GPC5: variants seen among roughly 807,000 people sequenced by gnomAD.
GPC5 encodes the protein glypican-5.
In GPC5, 47 loss-of-function variants were observed where a neutral mutation model predicts 53.9. That is an observed-to-expected ratio of 0.87 (90% CI 0.69 to 1.11). The LOEUF (loss-of-function observed/expected upper bound fraction) is 1.11. Ranked by LOEUF, GPC5 falls within the 50% of genes most tolerant of loss-of-function variation. GPC5 has a pLI of 0.00. For synonymous variants in GPC5, 286 were observed against 263.3 expected, an observed-to-expected ratio of 1.09 and a Z score of -0.84; for missense variants, 748 against 713.1, an observed-to-expected ratio of 1.05 and a Z score of -0.56.
chr13:92,223,819 T>C (rs968563869), intron 7 of GPC5, among the ~76,000 whole-genome samples: 5 of 152,156 alleles, frequency 3.3e-5, no homozygotes, highest in Non-Finnish European at 7.4e-5. Flanking sequence ...AATAAAACCT[T>C]CTTAAGTCAA....
At chr13:91,750,550 T>C (rs1041115858) in intron 4 of GPC5, among the ~76,000 whole-genome samples, 1 of 152,218 alleles carries the variant, frequency 6.6e-6, no homozygotes, top group Non-Finnish European at 1.5e-5. Flanking sequence ...ATTTTGTTCA[T>C]TGAAATATTT....
intron 6 of GPC5, among the ~76,000 whole-genome samples, chr13:92,106,077 A>G (rs2041507221): frequency 6.6e-6 from 1 of 152,014 alleles, no homozygotes; most frequent in South Asian, 2.1e-4. Flanking sequence ...CTGTTTAATT[A>G]TGGAGCTTTT....
chr13:91,663,121 C>T (rs1201819336), intron 2 of GPC5, among the ~76,000 whole-genome samples: 1 of 152,190 alleles, frequency 6.6e-6, no homozygotes, highest in African/African-American at 2.4e-5. Flanking sequence ...GGTAAGAATA[C>T]AAACGTTCTT....
intron 7 of GPC5, among the ~76,000 whole-genome samples, chr13:92,598,058 A>AGAG (rs1883934461): frequency 6.6e-6 from 1 of 152,158 alleles, no homozygotes; most frequent in African/African-American, 2.4e-5. Flanking sequence ...AGGTCATTCC[A>AGAG]TCTAAATTTA....
At chr13:91,554,366 CACAG>C (rs1171208400) in intron 2 of GPC5, among the ~76,000 whole-genome samples, 1 of 151,824 alleles carries the variant, frequency 6.6e-6, no homozygotes, top group Non-Finnish European at 1.5e-5. Context: ...CATATATGTA[CACAG>C]ACACAGACTC....
chr13:92,058,611 T>G (rs1226991733), intron 6 of GPC5, among the ~76,000 whole-genome samples: 1 of 152,190 alleles, frequency 6.6e-6, no homozygotes, highest in Non-Finnish European at 1.5e-5. Flanking sequence ...GGTGCGATCT[T>G]AGCTCACTGC....
intron 7 of GPC5, among the ~76,000 whole-genome samples, chr13:92,733,666 T>A (rs1888866099): frequency 6.6e-6 from 1 of 151,778 alleles, no homozygotes; most frequent in Admixed American, 6.6e-5. Flanking sequence ...TTCATATTTC[T>A]CTAAGGGTTG....
Position 91,856,321 on chromosome 13 carries a change from G to C in GPC5, c.1281-51616G>C, listed in dbSNP as rs538702868. On this transcript the variant is annotated intron_variant, in intron 5 of 7. Transcript: ENST00000377067. ...AAAGCCTTTTTGTGGGCATTCAACT[G>C]ATCTTGTGTAAAGGCCTAGGAGTGA... Among the ~76,000 whole-genome samples the C allele has an allele frequency of 2.0e-5, 3 of 151,596 alleles. No individual in the cohort carries two copies. In the South Asian group the frequency reaches 6.2e-4, roughly 31 times the overall value.
At chr13:91,598,602 A>G (rs1376841507) in intron 2 of GPC5, among the ~76,000 whole-genome samples, 7 of 152,060 alleles carry the variant, frequency 4.6e-5, no homozygotes, top group African/African-American at 1.4e-4. Flanking sequence ...TGTTGTATTT[A>G]ATTGTTTTAT....
At chr13:92,097,913 A>G (rs2041434402) in intron 6 of GPC5, among the ~76,000 whole-genome samples, 1 of 152,214 alleles carries the variant, frequency 6.6e-6, no homozygotes, top group African/African-American at 2.4e-5. Context: ...GATTATTCTC[A>G]GATTGAAACC....
chr13:91,911,281 T>G (rs1277639805), intron 6 of GPC5, among the ~76,000 whole-genome samples: 4 of 152,114 alleles, frequency 2.6e-5, no homozygotes, highest in African/African-American at 9.7e-5. Context: ...CAGTGGCTCA[T>G]GCCTGTAATC....
intron 6 of GPC5, among the ~76,000 whole-genome samples, chr13:92,093,282 A>T (rs1402799256): frequency 1.3e-5 from 2 of 152,142 alleles, no homozygotes; most frequent in African/African-American, 4.8e-5. Flanking sequence ...CACCAAGTTT[A>T]TCAGTTAAGT....
intron 7 of GPC5, among the ~76,000 whole-genome samples, chr13:92,599,805 C>T (rs979202604): frequency 5.8e-4 from 14 of 23,956 alleles, no homozygotes; most frequent in Non-Finnish European, 1.2e-3. Flanking sequence ...TAAATTAAGA[C>T]TTTTTTTTTG....
At chr13:92,349,238 G>A (rs1348022938) in intron 7 of GPC5, among the ~76,000 whole-genome samples, 1 of 152,120 alleles carries the variant, frequency 6.6e-6, no homozygotes, top group Non-Finnish European at 1.5e-5. Context: ...CCACCTCCCA[G>A]GTTCAAGCAA....
intron 7 of GPC5, among the ~76,000 whole-genome samples, chr13:92,662,721 A>T (rs1181445088): frequency 1.3e-5 from 2 of 152,248 alleles, no homozygotes; most frequent in East Asian, 1.9e-4. Context: ...TGACCGAAAG[A>T]TACTCACCAA....
rs113548209 is a variant in GPC5, at chr13:92,384,596, G to A, written c.1561+239607G>A. On this transcript the variant is annotated intron_variant, in intron 7 of 7. Coordinates refer to ENST00000377067, the MANE Select transcript of GPC5 (RefSeq NM_004466.6). Reference sequence around the variant, plus strand: ...TTTTCTCTTCCTTTAAACAAATCCCGCCGAGTGATCTTAAAAGCAGACAAT... The same window carrying A: ...TTTTCTCTTCCTTTAAACAAATCCCACCGAGTGATCTTAAAAGCAGACAAT... Among the ~76,000 whole-genome samples, 593 of 152,028 alleles carry A rather than the reference G, an allele frequency of 3.9e-3. 4 individuals are homozygous for A. The highest frequency in any genetic ancestry group is 0.014 in the African/African-American group (562 of 41,458).
At chr13:91,720,500 A>G (rs1241442134) in intron 3 of GPC5, among the ~76,000 whole-genome samples, 1 of 152,086 alleles carries the variant, frequency 6.6e-6, no homozygotes, top group Non-Finnish European at 1.5e-5. Flanking sequence ...AATCATTTTC[A>G]ACTTCCTTTG....
At chr13:91,685,865 T>C (rs2035610956) in intron 2 of GPC5, among the ~76,000 whole-genome samples, 1 of 151,960 alleles carries the variant, frequency 6.6e-6, no homozygotes, top group African/African-American at 2.4e-5. Context: ...GAATTATGAG[T>C]TAGCAGAATG....
intron 7 of GPC5, among the ~76,000 whole-genome samples, chr13:92,476,309 G>T (rs1879126375): frequency 6.6e-6 from 1 of 152,060 alleles, no homozygotes; most frequent in South Asian, 2.1e-4. Flanking sequence ...ATCATCACTG[G>T]CTATCAGAGA....
Sources: gnomAD v4.1 joint callset for allele counts (sites outside exome capture counted in the v4.1 genomes callset) on GRCh38, gnomAD v4.1.1 for gene constraint, MANE v1.5 for transcripts, NCBI Gene and HGNC (gene_info 2026-07-23, HGNC 2026-07-21) for gene names.